Variants in CCDC73 observed in about 807,000 individuals in gnomAD.
The protein encoded by CCDC73 is coiled-coil domain-containing protein 73.
A neutral mutation model predicts 116.5 loss-of-function variants in CCDC73; 95 were observed. The ratio of observed to expected loss-of-function variants is 0.82; its 90% CI spans 0.69 to 0.97. The LOEUF (loss-of-function observed/expected upper bound fraction) is 0.97, where lower values mean the gene tolerates loss of function less well. Among genes scored for constraint, CCDC73 ranks in the 50% least tolerant of loss-of-function variants. CCDC73 has a pLI of 0.00. For synonymous variants in CCDC73, 398 were observed against 401.3 expected (o/e 0.99, Z 0.10); for missense variants, 1,066 against 1,206.8 (o/e 0.88, Z 1.73).
the CCDC73 span, among the ~76,000 whole-genome samples, chr11:32,810,356 G>A: frequency 6.6e-5 from 10 of 152,114 alleles, no homozygotes; most frequent in Non-Finnish European, 8.8e-5. Flanking sequence ...TTTTGGTTGA[G>A]AGACTCTCTA....
intron 14 of CCDC73, among the ~76,000 whole-genome samples, chr11:32,617,853 G>GTATT (rs1855488545): frequency 6.6e-6 from 1 of 152,142 alleles, no homozygotes; most frequent in African/African-American, 2.4e-5. Flanking sequence ...TAATGAACCT[G>GTATT]TATTTATTTA....
At chr11:32,820,317 T>G in the CCDC73 span, among the ~76,000 whole-genome samples, 2 of 152,000 alleles carry the variant, frequency 1.3e-5, no homozygotes, top group Non-Finnish European at 2.9e-5. Flanking sequence ...CACGCCCCAC[T>G]AATTTTTCAG....
chr11:32,830,479 T>A, the CCDC73 span: 1 of 1,431,986 alleles, frequency 7.0e-7, no homozygotes, highest in Non-Finnish European at 9.2e-7. Flanking sequence ...GGGCCTTTTT[T>A]TTTTAATATT....
intron 9 of CCDC73, among the ~76,000 whole-genome samples, chr11:32,663,629 A>G (rs7939647): frequency 0.28 from 43,106 of 151,886 alleles, 6,333 homozygotes; most frequent in South Asian, 0.35. Context: ...CTGCAAACAG[A>G]GACAATTTGA....
intron 12 of CCDC73, among the ~76,000 whole-genome samples, chr11:32,652,478 C>T (rs1313514572): frequency 6.6e-6 from 1 of 152,170 alleles, no homozygotes; most frequent in Non-Finnish European, 1.5e-5. Flanking sequence ...AAGGCAGTCT[C>T]CCCTTCTTGT....
At chr11:32,746,687 C>T (rs181353349) in intron 2 of CCDC73, among the ~76,000 whole-genome samples, 1 of 152,212 alleles carries the variant, frequency 6.6e-6, no homozygotes, top group Admixed American at 6.5e-5. Flanking sequence ...GATCTTCAAT[C>T]ACTGATATCC....
At chr11:32,678,425 T>C (rs572226225) in intron 7 of CCDC73, among the ~76,000 whole-genome samples, 29 of 152,368 alleles carry the variant, frequency 1.9e-4, no homozygotes, top group Admixed American at 3.9e-4. Flanking sequence ...AAGTTTATAA[T>C]AGTATTTCAC....
At chr11:32,767,733 A>G (rs1010356761) in intron 1 of CCDC73, among the ~76,000 whole-genome samples, 2 of 152,254 alleles carry the variant, frequency 1.3e-5, no homozygotes, top group African/African-American at 4.8e-5. Flanking sequence ...GCTCATCATC[A>G]CTGGCCATCA....
At chr11:32,648,516 A>G (rs201869) in intron 12 of CCDC73, among the ~76,000 whole-genome samples, 64,099 of 151,808 alleles carry the variant, frequency 0.42, 13,862 homozygotes, top group Middle Eastern at 0.46. Flanking sequence ...TTTATGCTAC[A>G]TCAGTGGAAA....
At chr11:32,642,418 CTACTA>C (rs1855741619) in intron 12 of CCDC73, among the ~76,000 whole-genome samples, 1 of 151,976 alleles carries the variant, frequency 6.6e-6, no homozygotes. Flanking sequence ...CAGCCTAACT[CTACTA>C]AAGAAATTTA....
At chr11:32,816,937 C>T in the CCDC73 span, among the ~76,000 whole-genome samples, 3 of 152,186 alleles carry the variant, frequency 2.0e-5, no homozygotes, top group Admixed American at 1.3e-4. Context: ...GCGCCTGCCA[C>T]CACGCCTGGC....
chr11:32,692,049 C>CA (rs1173539877), intron 6 of CCDC73, among the ~76,000 whole-genome samples: 8,952 of 60,616 alleles, frequency 0.15, 507 homozygotes, highest in African/African-American at 0.16. Context: ...CTCCGTCTCA[C>CA]AAAAAAAAAA....
intron 2 of CCDC73, among the ~76,000 whole-genome samples, chr11:32,723,546 T>C (rs932437039): frequency 1.4e-4 from 21 of 152,198 alleles, no homozygotes; most frequent in African/African-American, 4.8e-4. Context: ...TTTTGGCTGC[T>C]TGGACACGTG....
intron 2 of CCDC73, among the ~76,000 whole-genome samples, chr11:32,758,899 A>G: frequency 6.6e-6 from 1 of 152,078 alleles, no homozygotes; most frequent in East Asian, 1.9e-4. Flanking sequence ...TCATCTTAAA[A>G]CAGACTTTTA....
chr11:32,662,368 A>G (rs1019904120), intron 9 of CCDC73, among the ~76,000 whole-genome samples: 2 of 152,132 alleles, frequency 1.3e-5, no homozygotes, highest in African/African-American at 2.4e-5. Flanking sequence ...CTTTTTAATG[A>G]TCGCCATTCT....
chr11:32,709,819 G>A (rs2133324053), intron 3 of CCDC73, among the ~76,000 whole-genome samples: 1 of 152,296 alleles, frequency 6.6e-6, no homozygotes, highest in East Asian at 1.9e-4. Flanking sequence ...ATTCAGCTGT[G>A]AATCCGTCTG....
intron 2 of CCDC73, among the ~76,000 whole-genome samples, chr11:32,723,313 A>C (rs2133337367): frequency 6.6e-6 from 1 of 152,300 alleles, no homozygotes; most frequent in South Asian, 2.1e-4. Context: ...GACCAATGTG[A>C]AAATCATGGT....
At chr11:32,773,214 G>A (rs2133388513) in intron 1 of CCDC73, among the ~76,000 whole-genome samples, 1 of 152,244 alleles carries the variant, frequency 6.6e-6, no homozygotes, top group African/African-American at 2.4e-5. Flanking sequence ...GAAATGTCCA[G>A]AATAAGCAAA....
chr11:32,643,467 C>G (rs1282575271), intron 12 of CCDC73, among the ~76,000 whole-genome samples: 1 of 151,972 alleles, frequency 6.6e-6, no homozygotes, highest in Non-Finnish European at 1.5e-5. Context: ...TTACACAAAC[C>G]TAGATGGTAT....
Sources: allele counts gnomAD v4.1 joint callset (sites outside exome capture counted in the v4.1 genomes callset), GRCh38; gene constraint gnomAD v4.1.1; transcripts MANE v1.5; gene names NCBI Gene and HGNC (gene_info 2026-07-23, HGNC 2026-07-21).